Variants in UBE2QL1 observed in about 807,000 individuals in gnomAD.
UBE2QL1 encodes the protein ubiquitin-conjugating enzyme E2Q-like protein 1.
UBE2QL1 carries 5 observed loss-of-function variants against 12.6 expected under a neutral mutation model. The ratio of observed to expected loss-of-function variants is 0.40; its 90% CI spans 0.21 to 0.83. The LOEUF is 0.83. Ranked by LOEUF, UBE2QL1 falls within the 40% of genes least tolerant of loss-of-function variation. UBE2QL1 has a pLI of 0.37. For synonymous variants in UBE2QL1, 96 were observed against 94.5 expected (o/e 1.02, Z -0.10); for missense variants, 99 against 222.6 (o/e 0.44, Z 3.53).
At chr5:6,466,459 CTG>C (rs1477765737) in intron 1 of UBE2QL1, among the ~76,000 whole-genome samples, 2 of 152,258 alleles carry the variant, frequency 1.3e-5, no homozygotes, top group Non-Finnish European at 2.9e-5. Context: ...GTCTCCCAAT[CTG>C]GGGCTGGACG....
chr5:6,448,957 G>T lies in UBE2QL1; in HGVS notation c.64G>T (p.Glu22Ter). 6.5e-7 allele frequency: 1 copy of T among 1,548,822 alleles called. No homozygotes were observed. Among genetic ancestry groups the T allele is most frequent in the South Asian group, 1.2e-5 (1 of 83,394 alleles). ...DRFISVELVDESLFDWNVKLH... is the reference protein window; with the variant it reads ...DRFISVELVD Reference sequence around the variant, plus strand: ...CTTCATCTCCGTGGAGCTGGTGGACGAGAGCCTGTTCGACTGGAACGTGAA... The same window carrying T: ...CTTCATCTCCGTGGAGCTGGTGGACTAGAGCCTGTTCGACTGGAACGTGAA... Residue 22 changes from glutamate to a stop codon, truncating the protein, a stop_gained, in exon 1 of 2, where the codon GAG (glutamate) becomes TAG (stop). Transcript: ENST00000399816. LOFTEE classifies it high-confidence loss of function.
intron 1 of UBE2QL1, among the ~76,000 whole-genome samples, chr5:6,490,598 T>C (rs1734549689): frequency 6.6e-6 from 1 of 152,184 alleles, no homozygotes; most frequent in Non-Finnish European, 1.5e-5. Flanking sequence ...TCCATGAAAA[T>C]GTCCACCGTC....
chr5:6,477,401 G>C (rs1394554510), intron 1 of UBE2QL1, among the ~76,000 whole-genome samples: 1 of 151,926 alleles, frequency 6.6e-6, no homozygotes, highest in Admixed American at 6.6e-5. Context: ...TGTGCCCGGA[G>C]GTCAGCCTGC....
At chr5:6,465,461 GAA>G (rs1739765049) in intron 1 of UBE2QL1, among the ~76,000 whole-genome samples, 1 of 152,210 alleles carries the variant, frequency 6.6e-6, no homozygotes, top group Admixed American at 6.5e-5. Context: ...AAATAGAAGT[GAA>G]TATTTTAATT....
intron 1 of UBE2QL1, among the ~76,000 whole-genome samples, chr5:6,472,421 G>A (rs887749127): frequency 5.9e-5 from 9 of 152,034 alleles, no homozygotes; most frequent in Admixed American, 3.3e-4. Context: ...GGAAGCGGCC[G>A]ATCGACACAC....
rs561681815 is a variant in UBE2QL1 at position 6,479,485 on chromosome 5, C to G, written c.355-11733C>G. Reference sequence around the variant, plus strand: ...TGGGGCTAGTCAGGGAAATGTGTGCCTTAATGGAGCCAAGTCCAAGGAGTA... The same window carrying G: ...TGGGGCTAGTCAGGGAAATGTGTGCGTTAATGGAGCCAAGTCCAAGGAGTA... On this transcript the variant is annotated intron_variant, in intron 1 of 1. Coordinates refer to ENST00000399816, the MANE Select transcript of UBE2QL1 (RefSeq NM_001145161.3). The surrounding 1 kb of genome is among the most constrained non-coding windows in gnomAD (Gnocchi z 4.2). Among the ~76,000 whole-genome samples the G allele has an allele frequency of 6.6e-5, 10 of 152,234 alleles. No homozygotes were observed. In the South Asian group the frequency reaches 1.5e-3, roughly 22 times the overall value.
chr5:6,455,434 C>T (rs1739500027), intron 1 of UBE2QL1, among the ~76,000 whole-genome samples: 1 of 152,116 alleles, frequency 6.6e-6, no homozygotes, highest in African/African-American at 2.4e-5. Flanking sequence ...CTTTGGAGCT[C>T]CTAGAATCAG....
chr5:6,462,960 C>CG (rs937243541), intron 1 of UBE2QL1, among the ~76,000 whole-genome samples: 17 of 152,320 alleles, frequency 1.1e-4, no homozygotes, highest in African/African-American at 4.1e-4. Context: ...GAACGATAAA[C>CG]GGAAGGCAGC....
In UBE2QL1 at chr5:6,492,744, C is replaced by T. The variant is rs1734598719; in HGVS notation, c.*1395C>T. The T allele has an allele frequency of 1.3e-5, 2 of 152,198 alleles. No individual in the cohort carries two copies. Among genetic ancestry groups the T allele is most frequent in the Non-Finnish European group, 2.9e-5 (2 of 68,036 alleles). The allele number at this position is 152,198 out of a possible 1,614,324, so 9.4% of individuals were successfully genotyped here. On this transcript the variant is annotated 3_prime_UTR_variant, in exon 2 of 2. Coordinates refer to ENST00000399816, the MANE Select transcript of UBE2QL1 (RefSeq NM_001145161.3). ...GTACCAGAAATGAGTCTTAGGAACCCATAGTCTTTGCAAAAATTCAGTAGA... is the reference window on the plus strand; with the variant it reads ...GTACCAGAAATGAGTCTTAGGAACCTATAGTCTTTGCAAAAATTCAGTAGA...
Position 6,495,262 on chromosome 5 carries a change from C to T in UBE2QL1, c.*3913C>T, listed in dbSNP as rs140336896. On this transcript the variant is annotated 3_prime_UTR_variant, in exon 2 of 2. Transcript: ENST00000399816. ...GGTCCCACCTGACAGCCTAGCCTGGCGTGTGGAGCTTGCCCTGTGTGTAGC... is the reference window on the plus strand; with the variant it reads ...GGTCCCACCTGACAGCCTAGCCTGGTGTGTGGAGCTTGCCCTGTGTGTAGC... 4.2e-4 allele frequency among the ~76,000 whole-genome samples: 64 copies of T among 152,248 alleles called. No homozygotes were observed. Among genetic ancestry groups the T allele is most frequent in the Middle Eastern group, 3.4e-3 (1 of 294 alleles).
rs1466196081 is a variant in UBE2QL1 at position 6,449,136 on chromosome 5, G to T, written c.243G>T (p.Val81=). The T allele has an allele frequency of 3.9e-6, 6 of 1,545,484 alleles. No homozygotes were observed. In the South Asian group the frequency reaches 7.2e-5, roughly 19 times the overall value. The change falls in exon 1 of 2, where the codon GTG becomes GTT. Residue 81 remains valine (V), a synonymous_variant. Coordinates refer to ENST00000399816, the MANE Select transcript of UBE2QL1 (RefSeq NM_001145161.3). ...VLSPRLENGY[V]LDGGAICMEL... ...GCCCGCGCCTGGAGAACGGCTACGT[G>T]CTGGACGGCGGCGCCATCTGCATGG...
intron 1 of UBE2QL1, among the ~76,000 whole-genome samples, chr5:6,459,259 AG>A (rs2126331373): frequency 6.6e-6 from 1 of 152,334 alleles, no homozygotes; most frequent in South Asian, 2.1e-4. Flanking sequence ...CAACACTTAA[AG>A]GACATTACCG....
At chr5:6,480,726 G>T (rs1159088600) in intron 1 of UBE2QL1, among the ~76,000 whole-genome samples, 2 of 152,232 alleles carry the variant, frequency 1.3e-5, no homozygotes, top group South Asian at 2.1e-4. Context: ...TGCCTTTGGT[G>T]CTGCCAGAGC....
rs1739927916 is a variant in UBE2QL1, at chr5:6,472,262, C to T, written c.355-18956C>T. On this transcript the variant is annotated intron_variant, in intron 1 of 1. Transcript: ENST00000399816. ...CCCTGGGGATGCCAGCAATCTCCCA[C>T]CTCCCTGTGGTCACAGGAATATGGC... Among the ~76,000 whole-genome samples, 4 of 152,204 alleles carry T rather than the reference C, an allele frequency of 2.6e-5. No homozygotes were observed. In the South Asian group the frequency reaches 8.3e-4, roughly 32 times the overall value.
At chr5:6,474,850 A>G (rs966379737) in intron 1 of UBE2QL1, among the ~76,000 whole-genome samples, 1 of 152,150 alleles carries the variant, frequency 6.6e-6, no homozygotes, top group Non-Finnish European at 1.5e-5. Flanking sequence ...TCCAGAACCC[A>G]ACTGGAGTCC....
chr5:6,457,777 C>G lies in UBE2QL1; in HGVS notation c.354+8530C>G, dbSNP rs540909402. 1.7e-4 allele frequency among the ~76,000 whole-genome samples: 26 copies of G among 152,346 alleles called. No homozygotes were observed. In the Middle Eastern group the frequency reaches 0.014, roughly 80 times the overall value. ...GAGCCACCTGGTCCTGAGGAGGTGT[C>G]TAGTTGGCAAGTACCACGTGTAGCA... is the stretch of plus-strand genomic sequence containing the variant. On this transcript the variant is annotated intron_variant, in intron 1 of 1. Coordinates refer to ENST00000399816, the MANE Select transcript of UBE2QL1 (RefSeq NM_001145161.3).
chr5:6,459,611 C>G (rs899712259), intron 1 of UBE2QL1, among the ~76,000 whole-genome samples: 3 of 152,178 alleles, frequency 2.0e-5, no homozygotes, highest in Non-Finnish European at 2.9e-5. Context: ...TATTTAAATA[C>G]AGTTATCAGA....
At chr5:6,459,243 A>T (rs1393182695) in intron 1 of UBE2QL1, among the ~76,000 whole-genome samples, 2 of 152,214 alleles carry the variant, frequency 1.3e-5, no homozygotes, top group Non-Finnish European at 2.9e-5. Context: ...AAAGATAAAA[A>T]TTTCACAACA....
chr5:6,459,550 G>A (rs867163248), intron 1 of UBE2QL1, among the ~76,000 whole-genome samples: 2 of 152,094 alleles, frequency 1.3e-5, no homozygotes, highest in African/African-American at 2.4e-5. Flanking sequence ...CCAGAATAAC[G>A]TCTTTCGTTG....
Sources: allele counts gnomAD v4.1 joint callset (sites outside exome capture counted in the v4.1 genomes callset), GRCh38; gene constraint gnomAD v4.1.1; non-coding constraint Gnocchi (gnomAD v3.1); transcripts MANE v1.5; gene names NCBI Gene and HGNC (gene_info 2026-07-23, HGNC 2026-07-21).